Variants in YAP1 observed in about 807,000 individuals in gnomAD.
YAP1 encodes Yes1 associated transcriptional regulator.
In YAP1, 5 loss-of-function variants were observed where a neutral mutation model predicts 56.9. The ratio of observed to expected loss-of-function variants is 0.09; its 90% CI spans 0.05 to 0.18. The LOEUF is 0.18. Ranked by LOEUF, YAP1 falls within the 10% of genes least tolerant of loss-of-function variation. The pLI, the probability that YAP1 is intolerant of heterozygous loss-of-function variation, is 1.00. For synonymous variants in YAP1, 265 were observed against 248.1 expected (o/e 1.07, Z -0.64); for missense variants, 539 against 651.8 (o/e 0.83, Z 1.88).
chr11:102,227,278 T>C (rs1029597992), intron 7 of YAP1, among the ~76,000 whole-genome samples, 191 bp from the exon 8 acceptor site: 1 of 152,228 alleles, frequency 6.6e-6, no homozygotes, highest in Non-Finnish European at 1.5e-5. Context: ...AGGATTAACT[T>C]GTCTATTTCA....
At position 102,193,728 on chromosome 11, in the gene YAP1, C is replaced by T. The variant is rs150682988; in HGVS notation, c.802+7597C>T. On this transcript the variant is annotated intron_variant, in intron 4 of 8. Transcript: ENST00000282441. ...AAACATGAAAGTTTAAGACCAGCAA[C>T]GTCAATTAGATGATAGTTTAAACTA... 1.9e-3 allele frequency among the ~76,000 whole-genome samples: 283 copies of T among 152,104 alleles called. 1 individual carries two copies. The highest frequency in any genetic ancestry group is 6.5e-3 in the African/African-American group (271 of 41,482).
chr11:102,227,428 A>G, intron 7 of YAP1, 41 bp from the exon 8 acceptor site: 1 of 1,443,080 alleles, frequency 6.9e-7, no homozygotes, highest in Non-Finnish European at 9.7e-7. Flanking sequence ...ATTGATTTTT[A>G]AAATTTTTTG....
chr11:102,134,134 A>G (rs1944532345), intron 2 of YAP1, among the ~76,000 whole-genome samples: 1 of 152,206 alleles, frequency 6.6e-6, no homozygotes. Context: ...TATTTAGTCC[A>G]AAACACTGTT....
chr11:102,216,625 T>A (rs1320334231), intron 6 of YAP1, among the ~76,000 whole-genome samples: 1 of 152,194 alleles, frequency 6.6e-6, no homozygotes, highest in Non-Finnish European at 1.5e-5. Context: ...ATAATTGGAT[T>A]GTCTACAAAA....
chr11:102,184,627 G>A (rs1947849868), intron 3 of YAP1, among the ~76,000 whole-genome samples: 1 of 152,178 alleles, frequency 6.6e-6, no homozygotes, highest in Non-Finnish European at 1.5e-5. Context: ...AATGAAACTG[G>A]CCTAAAAATA....
At chr11:102,158,166 CAT>C (rs1409588013) in intron 2 of YAP1, among the ~76,000 whole-genome samples, 2 of 152,022 alleles carry the variant, frequency 1.3e-5, no homozygotes, top group African/African-American at 2.4e-5. Context: ...TTAGAAGAAA[CAT>C]ATTTTCAAAA....
At chr11:102,125,100 G>T (rs948601736) in intron 2 of YAP1, among the ~76,000 whole-genome samples, 6 of 148,490 alleles carry the variant, frequency 4.0e-5, no homozygotes, top group Non-Finnish European at 8.9e-5. Context: ...GCAGTGGCAC[G>T]CTCAGGGCTC....
chr11:102,221,393 AC>A (rs1318945477), intron 6 of YAP1, among the ~76,000 whole-genome samples: 1 of 152,110 alleles, frequency 6.6e-6, no homozygotes, highest in Non-Finnish European at 1.5e-5. Context: ...TTAAATAGAA[AC>A]TTGTGATATA....
intron 2 of YAP1, among the ~76,000 whole-genome samples, chr11:102,139,053 G>GTT (rs563534544): frequency 6.9e-6 from 1 of 145,542 alleles, no homozygotes. Flanking sequence ...ATGAAAACAA[G>GTT]TTTTTTTTTT....
At chr11:102,147,640 C>T (rs1337449416) in intron 2 of YAP1, among the ~76,000 whole-genome samples, 1 of 152,128 alleles carries the variant, frequency 6.6e-6, no homozygotes, top group Non-Finnish European at 1.5e-5. Flanking sequence ...TGAATCTCCA[C>T]CCCTGAGGAT....
At chr11:102,125,467 C>T (rs1472806529) in intron 2 of YAP1, among the ~76,000 whole-genome samples, 2 of 150,778 alleles carry the variant, frequency 1.3e-5, no homozygotes, top group African/African-American at 4.9e-5. Context: ...GCCTCCGCCT[C>T]CTGGGTTCAA....
chr11:102,193,724 G>A (rs566388428), intron 4 of YAP1, among the ~76,000 whole-genome samples: 1 of 152,190 alleles, frequency 6.6e-6, no homozygotes, highest in South Asian at 2.1e-4. Context: ...TTTAAGACCA[G>A]CAACGTCAAT....
intron 2 of YAP1, among the ~76,000 whole-genome samples, chr11:102,124,810 A>AC (rs1456310188): frequency 6.6e-6 from 1 of 152,060 alleles, no homozygotes; most frequent in Non-Finnish European, 1.5e-5. Context: ...ATCTCAGCTT[A>AC]CTGCAACCTC....
chr11:102,193,592 G>A (rs1229128258), intron 4 of YAP1, among the ~76,000 whole-genome samples: 3 of 152,050 alleles, frequency 2.0e-5, no homozygotes, highest in Non-Finnish European at 4.4e-5. Flanking sequence ...TAAACTAATA[G>A]GTAATTTCTA....
At chr11:102,212,333 A>G (rs917395647) in intron 6 of YAP1, among the ~76,000 whole-genome samples, 2 of 152,178 alleles carry the variant, frequency 1.3e-5, no homozygotes, top group Non-Finnish European at 2.9e-5. Flanking sequence ...AGGATTTAAC[A>G]TATCATGTGG....
intron 3 of YAP1, among the ~76,000 whole-genome samples, chr11:102,163,158 A>G (rs2135404675): frequency 6.6e-6 from 1 of 152,252 alleles, no homozygotes; most frequent in East Asian, 1.9e-4. Flanking sequence ...CTAGAAGATA[A>G]ACCTGAGTAT....
chr11:102,209,483 A>G, intron 5 of YAP1, 34 bp from the exon 6 acceptor site: 1 of 1,594,384 alleles, frequency 6.3e-7, no homozygotes, highest in Non-Finnish European at 8.6e-7. Context: ...TGTGGCTTAA[A>G]GTAATTTTTA....
At chr11:102,124,304 G>A (rs988592656) in intron 2 of YAP1, among the ~76,000 whole-genome samples, 1 of 152,046 alleles carries the variant, frequency 6.6e-6, no homozygotes, top group Non-Finnish European at 1.5e-5. Flanking sequence ...GCTTTCCTTG[G>A]GGATTTTAGT....
In YAP1 at chr11:102,231,217, C is replaced by T. The variant is rs1950426259; in HGVS notation, c.*1277C>T. 1.3e-5 allele frequency: 2 copies of T among 152,360 alleles called. No homozygotes were observed. The highest frequency in any genetic ancestry group is 3.4e-3 in the Middle Eastern group (1 of 294). The allele number at this position is 152,360 out of a possible 1,614,324, so 9.4% of individuals were successfully genotyped here. A position where few individuals can be genotyped will look rare whatever the true frequency, so the allele number is the denominator to read the frequency against. On this transcript the variant is annotated 3_prime_UTR_variant, in exon 9 of 9. Coordinates refer to ENST00000282441, the MANE Select transcript of YAP1 (RefSeq NM_001130145.3). ...TAATTTTTAAGTCTCGATTGGAATT[C>T]AGTGAGTAGGTTCATAATGTGCATG...
Sources: allele counts gnomAD v4.1 joint callset (sites outside exome capture counted in the v4.1 genomes callset), GRCh38; gene constraint gnomAD v4.1.1; transcripts MANE v1.5; gene names NCBI Gene and HGNC (gene_info 2026-07-23, HGNC 2026-07-21).